The following WWOX variants were observed in gnomAD, a reference collection of about 807,000 sequenced individuals.
WWOX encodes WW domain containing oxidoreductase.
In WWOX, 69 loss-of-function variants were observed where a neutral mutation model predicts 46.2. The ratio of observed to expected loss-of-function variants is 1.49; its 90% CI spans 1.23 to 1.82. The LOEUF (loss-of-function observed/expected upper bound fraction) is 1.82. WWOX is among the 40% of genes most tolerant of loss of function. The probability of loss-of-function intolerance (pLI) is 0.00; values close to 1 mark genes in which losing one functional copy is unlikely to be tolerated. For synonymous variants in WWOX, 359 were observed against 202.6 expected, an observed-to-expected ratio of 1.77 and a Z score of -6.56; for missense variants, 919 against 542.6, an observed-to-expected ratio of 1.69 and a Z score of -6.89.
At chr16:78,223,792 G>A (rs1010259010) in intron 5 of WWOX, among the ~76,000 whole-genome samples, 27 of 152,144 alleles carry the variant, frequency 1.8e-4, no homozygotes, top group Admixed American at 1.4e-3. Flanking sequence ...CATGGCTGGC[G>A]TAATGGCGGA....
At chr16:78,461,370 C>T (rs1439079149) in intron 8 of WWOX, among the ~76,000 whole-genome samples, 1 of 148,788 alleles carries the variant, frequency 6.7e-6, no homozygotes, top group South Asian at 2.1e-4. Context: ...GGAGAAAAAA[C>T]AAACAAACAA....
rs1002417217 is a variant in WWOX, at chr16:78,669,525, A to G, written c.1056+236773A>G. Among the ~76,000 whole-genome samples, 12 of 152,306 alleles carry G rather than the reference A, an allele frequency of 7.9e-5. 1 individual carries two copies. Among genetic ancestry groups the G allele is most frequent in the African/African-American group, 2.6e-4 (11 of 41,572 alleles). On this transcript the variant is annotated intron_variant, in intron 8 of 8. Transcript: ENST00000566780. ...TGCTGACTATCCTACAATCCATAGG[A>G]CAGTACCTACCACAAAGAGTTACCT...
At chr16:78,446,094 T>G (rs1405958159) in intron 8 of WWOX, among the ~76,000 whole-genome samples, 2 of 152,220 alleles carry the variant, frequency 1.3e-5, no homozygotes, top group Non-Finnish European at 2.9e-5. Context: ...GCTAATGGTA[T>G]TGATGTGTTT....
intron 8 of WWOX, among the ~76,000 whole-genome samples, chr16:78,794,515 C>G (rs1017562958): frequency 6.6e-5 from 10 of 152,160 alleles, no homozygotes; most frequent in African/African-American, 2.4e-4. Context: ...CTCTGAATAC[C>G]AATTTTCTCA....
rs146226377 is a variant in WWOX at position 78,209,058 on chromosome 16, A to G, written c.516+44769A>G. Among the ~76,000 whole-genome samples the G allele has an allele frequency of 3.7e-3, 563 of 152,330 alleles. 3 individuals carry two copies. The highest frequency in any genetic ancestry group is 6.1e-3 in the Non-Finnish European group (413 of 68,036). ...TATTTGAATGTATATACATATGCAT[A>G]TTTATGTGTAATGTCTATTTCATGC... On this transcript the variant is annotated intron_variant, in intron 5 of 8. Coordinates refer to ENST00000566780, the MANE Select transcript of WWOX (RefSeq NM_016373.4).
rs575641285 is a variant in WWOX at position 78,907,672 on chromosome 16, G to C, written c.1057-303936G>C. ...TACTCTTACAATTTTTGCAAAGGCA[G>C]TTTTAATAACTGCTATTTAGCAAAG... On this transcript the variant is annotated intron_variant, in intron 8 of 8. Transcript: ENST00000566780. Among the ~76,000 whole-genome samples, 4 of 152,320 alleles carry C rather than the reference G, an allele frequency of 2.6e-5. No homozygotes were observed. In the South Asian group the frequency reaches 6.2e-4, roughly 24 times the overall value.
At chr16:78,223,083 C>T (rs2036943366) in intron 5 of WWOX, among the ~76,000 whole-genome samples, 2 of 152,152 alleles carry the variant, frequency 1.3e-5, no homozygotes, top group South Asian at 4.1e-4. Flanking sequence ...TTGCGGTGAT[C>T]ATTTATGTGA....
intron 8 of WWOX, among the ~76,000 whole-genome samples, chr16:79,025,741 T>G (rs979707079): frequency 6.6e-6 from 1 of 151,794 alleles, no homozygotes; most frequent in African/African-American, 2.4e-5. Flanking sequence ...ATGGCCTTTC[T>G]GATAATCCTT....
chr16:78,737,705 C>G (rs1286715471), intron 8 of WWOX, among the ~76,000 whole-genome samples: 1 of 152,140 alleles, frequency 6.6e-6, no homozygotes, highest in Non-Finnish European at 1.5e-5. Flanking sequence ...GTATAAGAAT[C>G]TAGGTATCAT....
chr16:78,734,428 G>A (rs534176690), intron 8 of WWOX, among the ~76,000 whole-genome samples: 193 of 152,252 alleles, frequency 1.3e-3, no homozygotes, highest in African/African-American at 4.4e-3. Context: ...AATGTTTGTT[G>A]CATGAATCAA....
intron 5 of WWOX, among the ~76,000 whole-genome samples, chr16:78,185,747 G>A (rs6564511): frequency 0.78 from 117,886 of 152,098 alleles, 46,400 homozygotes; most frequent in African/African-American, 0.93. Context: ...GCTCACTGCA[G>A]TCTCCATCTC....
rs1037612252 is a variant in WWOX at position 78,614,117 on chromosome 16, A to G, written c.1056+181365A>G. Reference sequence around the variant, plus strand: ...GAGGTAGCACCTTGTAATTAAGCACATGAATATCTCACATCAGAATGAATG... The same window carrying G: ...GAGGTAGCACCTTGTAATTAAGCACGTGAATATCTCACATCAGAATGAATG... On this transcript the variant is annotated intron_variant, in intron 8 of 8. Coordinates refer to ENST00000566780, the MANE Select transcript of WWOX (RefSeq NM_016373.4). Among the ~76,000 whole-genome samples, 17 of 152,358 alleles carry G rather than the reference A, an allele frequency of 1.1e-4. 1 individual carries two copies. The highest frequency in any genetic ancestry group is 1.1e-3 in the Admixed American group (17 of 15,306).
At chr16:78,923,157 T>A (rs544341099) in intron 8 of WWOX, among the ~76,000 whole-genome samples, 27 of 152,092 alleles carry the variant, frequency 1.8e-4, no homozygotes, top group Middle Eastern at 3.4e-3. Flanking sequence ...AATTTTGTAT[T>A]TTTAGTAGAG....
chr16:78,931,218 C>G (rs1442864044), intron 8 of WWOX, among the ~76,000 whole-genome samples: 2 of 152,158 alleles, frequency 1.3e-5, no homozygotes, highest in African/African-American at 2.4e-5. Context: ...GGAAAACTGA[C>G]AAGACCCTGG....
intron 5 of WWOX, among the ~76,000 whole-genome samples, chr16:78,243,994 T>A (rs1251100361): frequency 6.6e-6 from 1 of 152,242 alleles, no homozygotes; most frequent in Non-Finnish European, 1.5e-5. Flanking sequence ...CTCTACCGTT[T>A]GATGTCCAGT....
rs778154740 is a variant in WWOX at position 78,422,700 on chromosome 16, C to CATATATATATATACACACACACACAT, written c.606-2159_606-2158insTACACACACACACATATATATATATA. Among the ~76,000 whole-genome samples the CATATATATATATACACACACACACAT allele has an allele frequency of 1.6e-3, 66 of 40,408 alleles. 1 individual carries two copies. Among genetic ancestry groups the CATATATATATATACACACACACACAT allele is most frequent in the East Asian group, 4.8e-3 (9 of 1,878 alleles). 26.5% of individuals were successfully genotyped at this position (40,408 alleles called of 152,430 possible). A position where few individuals can be genotyped will look rare whatever the true frequency, so the allele number is the denominator to read the frequency against. On this transcript the variant is annotated intron_variant, in intron 6 of 8. Coordinates refer to ENST00000566780, the MANE Select transcript of WWOX (RefSeq NM_016373.4). ...ATATATATATACACACACACACACACATATATATATACACACACACATATA... is the reference window on the plus strand; with the variant it reads ...ATATATATATACACACACACACACACATATATATATATACACACACACACATATATATATATACACACACACATATA...
chr16:79,059,326 C>T (rs893206116), intron 8 of WWOX, among the ~76,000 whole-genome samples: 8 of 152,100 alleles, frequency 5.3e-5, no homozygotes, highest in African/African-American at 1.9e-4. Context: ...CTTAAGTGAG[C>T]ACATTAACTA....
chr16:78,110,175 A>G (rs986318743), intron 3 of WWOX, among the ~76,000 whole-genome samples: 2 of 151,930 alleles, frequency 1.3e-5, no homozygotes, highest in African/African-American at 2.4e-5. Context: ...CTCCGTCTCT[A>G]CTAAAAATAT....
rs996967759 is a variant in WWOX, at chr16:79,027,787, T to C, written c.1057-183821T>C. On this transcript the variant is annotated intron_variant, in intron 8 of 8. Transcript: ENST00000566780. ...TTTTTGATATAGATGTCTCTTGATA[T>C]AGAAGCATTTCTCGGGATGGTTTTT... is the stretch of plus-strand genomic sequence containing the variant. Among the ~76,000 whole-genome samples, 5 of 151,822 alleles carry C rather than the reference T, an allele frequency of 3.3e-5. 1 individual carries two copies. The highest frequency in any genetic ancestry group is 9.7e-5 in the African/African-American group (4 of 41,102).
Sources: gnomAD v4.1 joint callset for allele counts (sites outside exome capture counted in the v4.1 genomes callset) on GRCh38, gnomAD v4.1.1 for gene constraint, MANE v1.5 for transcripts, NCBI Gene and HGNC (gene_info 2026-07-23, HGNC 2026-07-21) for gene names.